FMN2: variants seen among roughly 807,000 people sequenced by gnomAD.
FMN2 encodes the protein formin-2.
A neutral mutation model predicts 142.3 loss-of-function variants in FMN2; 51 were observed. The ratio of observed to expected loss-of-function variants is 0.36; its 90% confidence interval spans 0.29 to 0.45. The LOEUF is 0.45. FMN2 is among the 20% of genes least tolerant of loss of function. The probability of loss-of-function intolerance (pLI) is 1.00; values close to 1 mark genes in which losing one functional copy is unlikely to be tolerated. For missense variants in FMN2, 1,936 were observed against 2,122.8 expected (o/e 0.91, Z 1.73); for synonymous variants, 882 against 869.8 (o/e 1.01, Z -0.25).
At chr1:240,223,349 G>A (rs6669314) in intron 6 of FMN2, among the ~76,000 whole-genome samples, 46,535 of 151,956 alleles carry the variant, frequency 0.31, 7,810 homozygotes, top group African/African-American at 0.45. Flanking sequence ...TGATCATGGT[G>A]GATAAGCTTT....
chr1:240,325,473 A>G (rs1222555728), intron 8 of FMN2, among the ~76,000 whole-genome samples: 1 of 152,178 alleles, frequency 6.6e-6, no homozygotes, highest in East Asian at 1.9e-4. Context: ...GCACATGTGT[A>G]TATATGCATA....
intron 15 of FMN2, among the ~76,000 whole-genome samples, chr1:240,434,836 G>T (rs1326110183): frequency 1.3e-5 from 2 of 149,700 alleles, no homozygotes; most frequent in East Asian, 2.0e-4. Context: ...CTCCCAAAAT[G>T]CTGGGATTAC....
intron 2 of FMN2, among the ~76,000 whole-genome samples, chr1:240,135,378 C>T (rs1450470004): frequency 6.6e-6 from 1 of 152,082 alleles, no homozygotes; most frequent in Non-Finnish European, 1.5e-5. Flanking sequence ...ATTTTCCAAT[C>T]CAATATTACT....
chr1:240,238,823 A>G (rs1286453986), intron 6 of FMN2, among the ~76,000 whole-genome samples: 2 of 152,222 alleles, frequency 1.3e-5, no homozygotes, highest in African/African-American at 4.8e-5. Flanking sequence ...AATAGTAACA[A>G]TGAAAAATAG....
chr1:240,202,721 C>T lies in FMN2; in HGVS notation c.1987-4078C>T, dbSNP rs185346758. On this transcript the variant is annotated intron_variant, in intron 4 of 17. Coordinates refer to ENST00000319653, the MANE Select transcript of FMN2 (RefSeq NM_020066.5). ...TCAAGTGATCCTCCCACTTCAGCCT[C>T]GGAAAGTGCTGGGATTACAGGCATG... Among the ~76,000 whole-genome samples the T allele has an allele frequency of 4.5e-3, 687 of 152,214 alleles. 6 individuals are homozygous for T. Among genetic ancestry groups the T allele is most frequent in the Non-Finnish European group, 8.0e-3 (546 of 68,010 alleles).
intron 16 of FMN2, among the ~76,000 whole-genome samples, chr1:240,460,778 T>G (rs951955215): frequency 3.3e-5 from 5 of 152,206 alleles, no homozygotes; most frequent in Non-Finnish European, 5.9e-5. Context: ...ATAAATATTG[T>G]TTTTGTTTGT....
chr1:240,204,606 C>T (rs1465313612), intron 4 of FMN2, among the ~76,000 whole-genome samples: 1 of 152,216 alleles, frequency 6.6e-6, no homozygotes, highest in East Asian at 1.9e-4. Flanking sequence ...CAAAAATTAG[C>T]CGGGCGTGGT....
intron 3 of FMN2, among the ~76,000 whole-genome samples, chr1:240,181,922 C>G (rs1558342508): frequency 6.6e-6 from 1 of 152,200 alleles, no homozygotes; most frequent in Non-Finnish European, 1.5e-5. Context: ...CTATTCATCT[C>G]TCTGTCATCT....
At chr1:240,191,874 C>T (rs567726678) in intron 4 of FMN2, among the ~76,000 whole-genome samples, 1 of 152,236 alleles carries the variant, frequency 6.6e-6, no homozygotes, top group East Asian at 1.9e-4. Context: ...AAAACTCTAG[C>T]TTTGGGTAAG....
chr1:240,129,122 C>CT lies in FMN2; in HGVS notation c.1782+5780dup, dbSNP rs1233230770. Among the ~76,000 whole-genome samples, 5 of 152,102 alleles carry CT rather than the reference C, an allele frequency of 3.3e-5. No homozygotes were observed. The East Asian group carries it at 9.7e-4, about 29-fold the overall frequency. On this transcript the variant is annotated intron_variant, in intron 2 of 17. Coordinates refer to ENST00000319653, the MANE Select transcript of FMN2 (RefSeq NM_020066.5). Reference sequence around the variant, plus strand: ...CTCCTGACCTCAGGTGATCCACCTGCTTTGGCCTCCCAAAGTGCTGGGATT... The same window carrying CT: ...CTCCTGACCTCAGGTGATCCACCTGCTTTTGGCCTCCCAAAGTGCTGGGATT...
chr1:240,138,415 G>A (rs543167472), intron 2 of FMN2, among the ~76,000 whole-genome samples: 1 of 152,110 alleles, frequency 6.6e-6, no homozygotes, highest in South Asian at 2.1e-4. Flanking sequence ...AGTATTACAT[G>A]TGGGCCGAGC....
intron 2 of FMN2, chr1:240,143,558 C>A: frequency 3.1e-6 from 5 of 1,603,202 alleles, no homozygotes; most frequent in African/African-American, 2.7e-5. Context: ...AGCTGCTGCA[C>A]CTTCAGCACA....
intron 7 of FMN2, among the ~76,000 whole-genome samples, chr1:240,293,919 G>A (rs1222242624): frequency 6.6e-6 from 1 of 152,090 alleles, no homozygotes; most frequent in Non-Finnish European, 1.5e-5. Flanking sequence ...TGTCTCATGT[G>A]AAACTTTGAG....
At chr1:240,287,250 C>A (rs909418596) in intron 7 of FMN2, among the ~76,000 whole-genome samples, 1 of 152,138 alleles carries the variant, frequency 6.6e-6, no homozygotes, top group African/African-American at 2.4e-5. Context: ...AGATGACAAA[C>A]CTGACTCTTA....
At chr1:240,410,173 AAT>A (rs936711788) in intron 15 of FMN2, among the ~76,000 whole-genome samples, 10 of 149,518 alleles carry the variant, frequency 6.7e-5, no homozygotes, top group African/African-American at 1.5e-4. Context: ...AAAAAAAAAA[AAT>A]AGAAGGTTTA....
At chr1:240,124,755 C>T (rs1662430046) in intron 2 of FMN2, among the ~76,000 whole-genome samples, 1 of 152,130 alleles carries the variant, frequency 6.6e-6, no homozygotes, top group African/African-American at 2.4e-5. Context: ...GCAACCTCCA[C>T]CTCCCGAGTT....
chr1:240,375,972 G>A (rs968248347), intron 14 of FMN2, among the ~76,000 whole-genome samples: 5 of 151,722 alleles, frequency 3.3e-5, no homozygotes, highest in Non-Finnish European at 7.4e-5. Context: ...CTTAGTTTTT[G>A]CATTATGTAT....
chr1:240,113,575 A>AT (rs1192159805), intron 1 of FMN2, among the ~76,000 whole-genome samples: 1 of 151,442 alleles, frequency 6.6e-6, no homozygotes, highest in Non-Finnish European at 1.5e-5. Flanking sequence ...AAAAAAAAAA[A>AT]AAAATAAGGT....
rs1671348458 is a variant in FMN2, at chr1:240,330,764, T to G, written c.4584+15T>G. ...TCAAGAGCAGTGTAAGTATTTTGCA[T>G]GAGTGGACGTAAGCACATTGAGGAG... is the stretch of plus-strand genomic sequence containing the variant. On this transcript the variant is annotated intron_variant, in intron 11 of 17. Transcript: ENST00000319653. The G allele has an allele frequency of 6.2e-7, 1 of 1,612,646 alleles. No homozygotes were observed. Among genetic ancestry groups the G allele is most frequent in the South Asian group, 1.1e-5 (1 of 90,932 alleles).
Sources: gnomAD v4.1 joint callset for allele counts (sites outside exome capture counted in the v4.1 genomes callset) on GRCh38, gnomAD v4.1.1 for gene constraint, MANE v1.5 for transcripts, NCBI Gene and HGNC (gene_info 2026-07-23, HGNC 2026-07-21) for gene names.